The following KIF26B variants were observed in gnomAD, a reference collection of about 807,000 sequenced individuals.
KIF26B encodes kinesin-like protein KIF26B.
A neutral mutation model predicts 151.2 loss-of-function variants in KIF26B; 63 were observed. The observed-to-expected ratio is 0.42, with a 90% CI of 0.34 to 0.51. The LOEUF is 0.51. Ranked by LOEUF, KIF26B falls within the 20% of genes least tolerant of loss-of-function variation. KIF26B has a pLI of 0.07. For missense variants in KIF26B, 2,813 were observed against 2,913.6 expected (o/e 0.97, Z 0.79); for synonymous variants, 1,357 against 1,262.1 (o/e 1.08, Z -1.59).
intron 4 of KIF26B, among the ~76,000 whole-genome samples, chr1:245,464,742 T>G (rs77480726): frequency 0.014 from 2,128 of 152,084 alleles, 79 homozygotes; most frequent in East Asian, 0.14. Flanking sequence ...GGACTGAGGT[T>G]GTGGTACCAG....
intron 2 of KIF26B, among the ~76,000 whole-genome samples, chr1:245,171,296 C>A (rs1181932074): frequency 1.3e-5 from 2 of 152,230 alleles, no homozygotes; most frequent in African/African-American, 4.8e-5. Context: ...GTAATCCCAG[C>A]ACTTTGGGAG....
intron 14 of KIF26B, among the ~76,000 whole-genome samples, chr1:245,700,444 C>G (rs1326087812): frequency 6.6e-6 from 1 of 152,136 alleles, no homozygotes; most frequent in Non-Finnish European, 1.5e-5. Flanking sequence ...GTAATCCCAG[C>G]ACCTTGGGAG....
intron 12 of KIF26B, among the ~76,000 whole-genome samples, chr1:245,689,263 C>G (rs76625551): frequency 0.02 from 3,029 of 152,302 alleles, 66 homozygotes; most frequent in East Asian, 0.11. Context: ...ATCCTGTGGA[C>G]GGTTTACAGC....
intron 3 of KIF26B, among the ~76,000 whole-genome samples, chr1:245,399,164 C>CT (rs1455481315): frequency 1.3e-5 from 2 of 152,172 alleles, no homozygotes; most frequent in African/African-American, 2.4e-5. Context: ...TGTCGTGTCT[C>CT]TTTTTGAGGG....
At chr1:245,404,358 A>G (rs1328699854) in intron 3 of KIF26B, among the ~76,000 whole-genome samples, 2 of 152,160 alleles carry the variant, frequency 1.3e-5, no homozygotes, top group African/African-American at 2.4e-5. Flanking sequence ...ACAAAAGGGC[A>G]GATATGGAAG....
At chr1:245,179,269 A>G (rs1188139682) in intron 2 of KIF26B, among the ~76,000 whole-genome samples, 1 of 152,208 alleles carries the variant, frequency 6.6e-6, no homozygotes, top group Non-Finnish European at 1.5e-5. Context: ...GTATTCATTT[A>G]TCACACATTT....
chr1:245,540,978 T>C lies in KIF26B; in HGVS notation c.1350+28T>C. On this transcript the variant is annotated intron_variant, in intron 5 of 14. Coordinates refer to ENST00000407071, the MANE Select transcript of KIF26B (RefSeq NM_018012.4). The surrounding 1 kb of genome is among the most constrained non-coding windows in gnomAD (Gnocchi z 4.6). ...AGGACCATCCGCCGTCCCTGCCATT[T>C]GCCCAGTGTGCGAGGTTCTGGATCA... The C allele has an allele frequency of 2.5e-6, 4 of 1,584,618 alleles. No individual in the cohort carries two copies. Among genetic ancestry groups the C allele is most frequent in the Non-Finnish European group, 3.4e-6 (4 of 1,161,244 alleles).
At chr1:245,202,515 T>C (rs1265190717) in intron 2 of KIF26B, among the ~76,000 whole-genome samples, 2 of 152,196 alleles carry the variant, frequency 1.3e-5, no homozygotes, top group Non-Finnish European at 1.5e-5. Flanking sequence ...TCCCAGCACT[T>C]TGGGGGGCCA....
intron 2 of KIF26B, among the ~76,000 whole-genome samples, chr1:245,286,324 C>T (rs1671163885): frequency 6.6e-6 from 1 of 151,982 alleles, no homozygotes; most frequent in Non-Finnish European, 1.5e-5. Flanking sequence ...GGTGGATCAC[C>T]TGAGTTCAGG....
At position 245,367,171 on chromosome 1, in the gene KIF26B, C is replaced by A. The variant is rs1390209854; in HGVS notation, c.803C>A (p.Pro268His). Reference sequence around the variant, plus strand: ...TTCGCCAACAAGCACGGCAGCAAACCCAGCAGCCTTGGGGTCAGCAATGGG... The same window carrying A: ...TTCGCCAACAAGCACGGCAGCAAACACAGCAGCCTTGGGGTCAGCAATGGG... ...TGFANKHGSK[P>H]SSLGVSNGAE... The change falls in exon 3 of 15, where the codon CCC (proline) becomes CAC (histidine). Residue 268 changes from proline to histidine, a missense_variant. This residue lies in a region of KIF26B where 676 missense variants were observed against 688.1 expected (regional missense o/e 0.98). Transcript: ENST00000407071. This position sits in a 1 kb window ranked among gnomAD's most constrained non-coding sequence, Gnocchi z 4.2. The A allele has an allele frequency of 3.1e-6, 5 of 1,607,020 alleles. No homozygotes were observed. The highest frequency in any genetic ancestry group is 1.7e-6 in the Non-Finnish European group (2 of 1,176,804).
At chr1:245,539,713 C>T (rs549135848) in intron 4 of KIF26B, among the ~76,000 whole-genome samples, 312 of 152,252 alleles carry the variant, frequency 2.0e-3, no homozygotes, top group African/African-American at 7.2e-3. Context: ...AGAGCAGTGG[C>T]GCTATCTGGG....
chr1:245,709,170 T>C lies in KIF26B; in HGVS notation c.*6564T>C, dbSNP rs573326164. ...TTTGTGCATGGGCCTTTGCAAGCTA[T>C]ATAAACGTTAGGTGTTGGCTTGATT... On this transcript the variant is annotated 3_prime_UTR_variant, in exon 15 of 15. Transcript: ENST00000407071. 3.9e-5 allele frequency: 6 copies of C among 152,326 alleles called. No homozygotes were observed. Among genetic ancestry groups the C allele is most frequent in the Non-Finnish European group, 8.8e-5 (6 of 68,026 alleles). The allele number at this position is 152,326 out of a possible 1,614,324, so 9.4% of individuals were successfully genotyped here.
intron 10 of KIF26B, among the ~76,000 whole-genome samples, chr1:245,648,196 C>G (rs145082122): frequency 0.013 from 1,971 of 152,266 alleles, 22 homozygotes; most frequent in African/African-American, 0.025. Context: ...AGCTTTTACA[C>G]TGTTTCTGCA....
At chr1:245,364,424 T>C (rs866980685) in intron 2 of KIF26B, among the ~76,000 whole-genome samples, 1,484 of 90,728 alleles carry the variant, frequency 0.016, 4 homozygotes, top group African/African-American at 0.044. Flanking sequence ...CTCTCTCTCT[T>C]TTTTTTTTTT....
At chr1:245,371,350 A>G (rs1052938669) in intron 3 of KIF26B, 1 of 152,208 alleles carries the variant, frequency 6.6e-6, no homozygotes, top group African/African-American at 2.4e-5. Context: ...AGCTCGTCAG[A>G]GACGGTTGAC....
intron 3 of KIF26B, among the ~76,000 whole-genome samples, chr1:245,383,465 G>A (rs550644686): frequency 6.6e-6 from 1 of 152,272 alleles, no homozygotes; most frequent in African/African-American, 2.4e-5. Context: ...ACTGTGTATT[G>A]GAGTTTCTGT....
At chr1:245,475,450 G>T (rs1192328841) in intron 4 of KIF26B, among the ~76,000 whole-genome samples, 1 of 151,730 alleles carries the variant, frequency 6.6e-6, no homozygotes, top group African/African-American at 2.4e-5. Context: ...CTGGTTGGGG[G>T]TCAGAAGGTC....
At chr1:245,490,559 C>T (rs1660389332) in intron 4 of KIF26B, among the ~76,000 whole-genome samples, 1 of 152,144 alleles carries the variant, frequency 6.6e-6, no homozygotes, top group Admixed American at 6.5e-5. Context: ...GATCCACCCA[C>T]CTCAGCCACC....
In KIF26B at chr1:245,203,651, G is replaced by A. The variant is rs575444222; in HGVS notation, c.465+46968G>A. The stretch of plus-strand genomic sequence containing the variant: ...CTTACTTGTCTTCCTTGTTGAATCA[G>A]GAAGTGGACTTTTACATGGTGCATG... On this transcript the variant is annotated intron_variant, in intron 2 of 14. Transcript: ENST00000407071. 2.6e-5 allele frequency among the ~76,000 whole-genome samples: 4 copies of A among 152,306 alleles called. No homozygotes were observed. In the East Asian group the frequency reaches 7.7e-4, roughly 29 times the overall value.
Sources: allele counts gnomAD v4.1 joint callset (sites outside exome capture counted in the v4.1 genomes callset), GRCh38; gene constraint gnomAD v4.1.1; regional missense constraint gnomAD v4.1.1; non-coding constraint Gnocchi (gnomAD v3.1); transcripts MANE v1.5; gene names NCBI Gene and HGNC (gene_info 2026-07-23, HGNC 2026-07-21).